The following LDLRAP1 variants were observed in gnomAD, a reference collection of about 807,000 sequenced individuals.
The protein encoded by LDLRAP1 is low density lipoprotein receptor adaptor protein 1, also known as low density lipoprotein receptor adapter protein 1.
In LDLRAP1, 30 loss-of-function variants were observed where a neutral mutation model predicts 37.8. The ratio of observed to expected loss-of-function variants is 0.79; its 90% confidence interval spans 0.59 to 1.08. LDLRAP1 has a LOEUF of 1.08. Among genes scored for constraint, LDLRAP1 ranks in the 50% least tolerant of loss-of-function variants. The probability of loss-of-function intolerance (pLI) is 0.00; values close to 1 mark genes in which losing one functional copy is unlikely to be tolerated. For synonymous variants in LDLRAP1, 156 were observed against 169.8 expected, an observed-to-expected ratio of 0.92 and a Z score of 0.63; for missense variants, 375 against 401.6, an observed-to-expected ratio of 0.93 and a Z score of 0.57.
chr1:25,582,796 GTA>G, the LDLRAP1 span, among the ~76,000 whole-genome samples: 2 of 152,030 alleles, frequency 1.3e-5, no homozygotes, highest in African/African-American at 4.8e-5. Context: ...AATGAGCCGG[GTA>G]CGGTGGCTCA....
chr1:25,557,890 CTT>C lies in LDLRAP1; in HGVS notation c.459+630_459+631del, dbSNP rs35027742. ...GTTACTCTCTCCATTTTTTTTTCTT[CTT>C]TTTTTTAAAGTTTTAATGAGGAAAC... On this transcript the variant is annotated intron_variant, in intron 4 of 8. Transcript: ENST00000374338. Among the ~76,000 whole-genome samples, 4 of 151,250 alleles carry C rather than the reference CTT, an allele frequency of 2.6e-5. No homozygotes were observed. In the East Asian group the frequency reaches 7.8e-4, roughly 30 times the overall value.
chr1:25,547,022 G>A (rs1181380467), intron 1 of LDLRAP1, among the ~76,000 whole-genome samples: 1 of 152,126 alleles, frequency 6.6e-6, no homozygotes, highest in Admixed American at 6.5e-5. Context: ...TAAAAATAAA[G>A]CAGGGTGAGG....
Position 25,544,461 on chromosome 1 carries a change from C to G in LDLRAP1, c.88+675C>G, listed in dbSNP as rs2043882286. Among the ~76,000 whole-genome samples the G allele has an allele frequency of 1.3e-5, 2 of 152,242 alleles. No individual in the cohort carries two copies. On this transcript the variant is annotated intron_variant, in intron 1 of 8. Transcript: ENST00000374338. This position sits in a 1 kb window ranked among gnomAD's most constrained non-coding sequence, Gnocchi z 4.8. ...CGGGTCCAGGTGGCAAGCCTGGCGTCCCGACTATTTTTGAAACCTGTTTTC... is the reference window on the plus strand; with the variant it reads ...CGGGTCCAGGTGGCAAGCCTGGCGTGCCGACTATTTTTGAAACCTGTTTTC...
At chr1:25,574,600 T>C in the LDLRAP1 span, among the ~76,000 whole-genome samples, 2 of 152,056 alleles carry the variant, frequency 1.3e-5, no homozygotes, top group Non-Finnish European at 1.5e-5. Flanking sequence ...CCTCTGGCAG[T>C]AGCCTGAGTC....
chr1:25,545,111 A>G (rs910326661), intron 1 of LDLRAP1, among the ~76,000 whole-genome samples: 2 of 152,180 alleles, frequency 1.3e-5, no homozygotes, highest in Non-Finnish European at 2.9e-5. Flanking sequence ...CGTTTATCAC[A>G]CTGATTGCAT....
chr1:25,567,078 C>T lies in LDLRAP1; in HGVS notation c.*86C>T. ...GCGGGGGAGCCAGTTCTGGGGCCCGCCTGCCACCTCTCCCAGCCCTCAGCA... is the reference window on the plus strand; with the variant it reads ...GCGGGGGAGCCAGTTCTGGGGCCCGTCTGCCACCTCTCCCAGCCCTCAGCA... On this transcript the variant is annotated 3_prime_UTR_variant, in exon 9 of 9. Coordinates refer to ENST00000374338, the MANE Select transcript of LDLRAP1 (RefSeq NM_015627.3). The T allele has an allele frequency of 6.7e-7, 1 of 1,501,950 alleles. No individual in the cohort carries two copies. Among genetic ancestry groups the T allele is most frequent in the Non-Finnish European group, 9.2e-7 (1 of 1,089,850 alleles). The allele number at this position is 1,501,950 out of a possible 1,614,324, so 93.0% of individuals were successfully genotyped here.
rs1438786032 is a variant in LDLRAP1, at chr1:25,567,579, G to C, written c.*587G>C. 1.0e-5 allele frequency: 2 copies of C among 192,654 alleles called. No individual in the cohort carries two copies. Among genetic ancestry groups the C allele is most frequent in the Admixed American group, 1.1e-4 (2 of 18,472 alleles). The allele number at this position is 192,654 out of a possible 1,614,324, so 11.9% of individuals were successfully genotyped here. ...TCTTAGAGACTAAGGGGCAGCTCCT[G>C]ACCAAAGACGATACAGCTTGGCACT... On this transcript the variant is annotated 3_prime_UTR_variant, in exon 9 of 9. Transcript: ENST00000374338.
Position 25,554,621 on chromosome 1 carries a change from T to C in LDLRAP1, c.232-239T>C, listed in dbSNP as rs759951013. Among the ~76,000 whole-genome samples the C allele has an allele frequency of 6.6e-6, 1 of 152,194 alleles. No homozygotes were observed. The highest frequency in any genetic ancestry group is 1.5e-5 in the Non-Finnish European group (1 of 68,024). ...CCCTTAGCCTCTCTGAGTCCATCTC[T>C]GGGGAGAGGGAGGATGACTCCAGGT... On this transcript the variant is annotated intron_variant, in intron 2 of 8. Transcript: ENST00000374338. The surrounding 1 kb of genome is among the most constrained non-coding windows in gnomAD (Gnocchi z 5.4).
chr1:25,547,056 A>G (rs1430528133), intron 1 of LDLRAP1, among the ~76,000 whole-genome samples: 2 of 152,102 alleles, frequency 1.3e-5, no homozygotes, highest in Non-Finnish European at 2.9e-5. Context: ...GCTTTGTAAG[A>G]TAGGATGGTG....
the LDLRAP1 span, among the ~76,000 whole-genome samples, chr1:25,580,539 C>T: frequency 6.6e-6 from 1 of 152,174 alleles, no homozygotes; most frequent in African/African-American, 2.4e-5. Flanking sequence ...GAGACAGGGT[C>T]TCACATTGCC....
At chr1:25,548,926 A>G (rs2044005165) in intron 1 of LDLRAP1, among the ~76,000 whole-genome samples, 1 of 152,020 alleles carries the variant, frequency 6.6e-6, no homozygotes, top group Non-Finnish European at 1.5e-5. Context: ...AGCACACTGG[A>G]ATTACAGGCA....
intron 4 of LDLRAP1, among the ~76,000 whole-genome samples, chr1:25,560,864 T>C (rs1490448698): frequency 2.6e-5 from 4 of 152,198 alleles, no homozygotes; most frequent in Non-Finnish European, 5.9e-5. Context: ...TCCCTCCACC[T>C]AATGCTGGTC....
chr1:25,548,489 A>G (rs973793769), intron 1 of LDLRAP1, among the ~76,000 whole-genome samples: 3 of 151,762 alleles, frequency 2.0e-5, no homozygotes, highest in Admixed American at 1.3e-4. Flanking sequence ...CTGGGATTAC[A>G]GGCGCCTGCC....
chr1:25,581,992 G>T, the LDLRAP1 span, among the ~76,000 whole-genome samples: 42,685 of 152,054 alleles, frequency 0.28, 6,438 homozygotes, highest in East Asian at 0.45. Flanking sequence ...GTGCACAGCT[G>T]GGGGAGGGGC....
chr1:25,557,024 C>T lies in LDLRAP1; in HGVS notation c.345-129C>T, dbSNP rs112082776. 6.1e-4 allele frequency: 463 copies of T among 756,858 alleles called. 1 individual carries two copies. In the African/African-American group the frequency reaches 7.0e-3, roughly 11 times the overall value. 46.9% of individuals were successfully genotyped at this position (756,858 alleles called of 1,614,324 possible). A position where few individuals can be genotyped will look rare whatever the true frequency, so the allele number is the denominator to read the frequency against. On this transcript the variant is annotated intron_variant, in intron 3 of 8. Transcript: ENST00000374338. Reference sequence around the variant, plus strand: ...CCAGCCTGGAGGCCAAGGCTGGATTCCCAGAGTCTGCCCTGGTGGAGTGGG... The same window carrying T: ...CCAGCCTGGAGGCCAAGGCTGGATTTCCAGAGTCTGCCCTGGTGGAGTGGG...
chr1:25,583,618 G>C, the LDLRAP1 span, among the ~76,000 whole-genome samples: 1 of 152,060 alleles, frequency 6.6e-6, no homozygotes, highest in East Asian at 1.9e-4. Context: ...TCTGTAGTTT[G>C]GTGCTTGACA....
At chr1:25,565,884 T>C (rs775483767) in intron 8 of LDLRAP1, among the ~76,000 whole-genome samples, 5 of 152,100 alleles carry the variant, frequency 3.3e-5, no homozygotes, top group Non-Finnish European at 7.4e-5. Context: ...TCAGGGGCTT[T>C]GTTTGGGGTT....
At chr1:25,561,489 G>C (rs972335319) in intron 4 of LDLRAP1, among the ~76,000 whole-genome samples, 2 of 152,220 alleles carry the variant, frequency 1.3e-5, no homozygotes, top group Non-Finnish European at 1.5e-5. Flanking sequence ...AAATTGAGTT[G>C]TCTGGGGGAG....
At chr1:25,571,707 T>C (rs573380059), downstream of LDLRAP1, among the ~76,000 whole-genome samples, 3 of 152,338 alleles carry the variant, frequency 2.0e-5, no homozygotes, top group African/African-American at 4.8e-5. Flanking sequence ...ACTTGGGACA[T>C]TGGCAAATCA....
Sources: gnomAD v4.1 joint callset for allele counts (sites outside exome capture counted in the v4.1 genomes callset) on GRCh38, gnomAD v4.1.1 for gene constraint, Gnocchi (gnomAD v3.1) non-coding constraint, MANE v1.5 for transcripts, NCBI Gene and HGNC (gene_info 2026-07-23, HGNC 2026-07-21) for gene names.